The following CNTN5 variants were observed in gnomAD, a reference collection of about 807,000 sequenced individuals.
CNTN5 encodes contactin-5.
In CNTN5, 77 loss-of-function variants were observed where a neutral mutation model predicts 129.1. The ratio of observed to expected loss-of-function variants is 0.60; its 90% CI spans 0.50 to 0.72. CNTN5 has a LOEUF of 0.72. Among genes scored for constraint, CNTN5 ranks in the 30% least tolerant of loss-of-function variants. CNTN5 has a pLI of 0.00. For synonymous variants in CNTN5, 509 were observed against 465.6 expected (o/e 1.09, Z -1.20); for missense variants, 1,478 against 1,328.8 (o/e 1.11, Z -1.75).
intron 13 of CNTN5, among the ~76,000 whole-genome samples, chr11:100,142,964 A>G (rs1946741268): frequency 6.6e-6 from 1 of 152,180 alleles, no homozygotes; most frequent in Non-Finnish European, 1.5e-5. Flanking sequence ...ATTATTTAAA[A>G]TCTTGTATAA....
chr11:99,801,277 G>T (rs1946106042), intron 3 of CNTN5, among the ~76,000 whole-genome samples: 1 of 152,130 alleles, frequency 6.6e-6, no homozygotes, highest in Admixed American at 6.5e-5. Context: ...CTCCTGGCTT[G>T]TAATGTTTCT....
chr11:100,299,445 T>C, intron 20 of CNTN5, 49 bp downstream of exon 20: 1 of 1,235,092 alleles, frequency 8.1e-7, no homozygotes, highest in Non-Finnish European at 1.1e-6. Context: ...TACTTTGTTA[T>C]ACAAATAATC....
At chr11:99,106,465 A>G (rs147149169) in intron 1 of CNTN5, among the ~76,000 whole-genome samples, 2 of 152,186 alleles carry the variant, frequency 1.3e-5, no homozygotes, top group Non-Finnish European at 2.9e-5. Flanking sequence ...TTACATATGT[A>G]CAATTTTGGA....
At chr11:100,125,510 G>A (rs533627797) in intron 13 of CNTN5, among the ~76,000 whole-genome samples, 1 of 151,936 alleles carries the variant, frequency 6.6e-6, no homozygotes, top group African/African-American at 2.4e-5. Context: ...CTTTTTTATG[G>A]CTGTGTAGTA....
intron 3 of CNTN5, among the ~76,000 whole-genome samples, chr11:99,659,407 T>A (rs1952513515): frequency 6.6e-6 from 1 of 152,186 alleles, no homozygotes; most frequent in Non-Finnish European, 1.5e-5. Context: ...CTAGTTTGTT[T>A]TAGGTTTTGG....
At chr11:99,452,372 GTTTTTTT>G (rs71463577) in intron 2 of CNTN5, among the ~76,000 whole-genome samples, 1 of 104,358 alleles carries the variant, frequency 9.6e-6, no homozygotes, top group Non-Finnish European at 1.9e-5. Context: ...AAACACAGGT[GTTTTTTT>G]TTTTTTTTTT....
intron 3 of CNTN5, among the ~76,000 whole-genome samples, chr11:99,623,072 T>A (rs1049498017): frequency 2.6e-5 from 4 of 152,162 alleles, no homozygotes; most frequent in Non-Finnish European, 2.9e-5. Context: ...TTCATTTTTT[T>A]AAGATTCATT....
intron 1 of CNTN5, among the ~76,000 whole-genome samples, chr11:99,276,138 G>C (rs1485740954): frequency 1.3e-5 from 2 of 151,484 alleles, no homozygotes; most frequent in Non-Finnish European, 3.0e-5. Context: ...TATCTCATTG[G>C]GTGTGCTGTC....
intron 8 of CNTN5, among the ~76,000 whole-genome samples, chr11:99,992,458 T>C (rs1365286387): frequency 6.6e-6 from 1 of 152,206 alleles, no homozygotes; most frequent in African/African-American, 2.4e-5. Context: ...TCAGTTATAC[T>C]CTAATCCTCA....
chr11:100,193,171 A>G (rs1293466487), intron 14 of CNTN5, among the ~76,000 whole-genome samples: 4 of 151,904 alleles, frequency 2.6e-5, no homozygotes, highest in Non-Finnish European at 5.9e-5. Context: ...CAGAGAGGCT[A>G]CAGCCTCTTC....
chr11:99,757,102 G>C (rs969290117), intron 3 of CNTN5, among the ~76,000 whole-genome samples: 6 of 151,966 alleles, frequency 3.9e-5, no homozygotes, highest in African/African-American at 7.2e-5. Context: ...CAGCAGGGTC[G>C]TGTTGTCTCT....
At chr11:99,806,228 G>T (rs554867875) in intron 3 of CNTN5, among the ~76,000 whole-genome samples, 4 of 152,058 alleles carry the variant, frequency 2.6e-5, no homozygotes, top group African/African-American at 9.6e-5. Flanking sequence ...TATTGTACCT[G>T]ACCTAAGAAT....
chr11:99,786,620 T>G (rs1945534680), intron 3 of CNTN5, among the ~76,000 whole-genome samples: 1 of 152,034 alleles, frequency 6.6e-6, no homozygotes, highest in South Asian at 2.1e-4. Context: ...CAAAGCTGCA[T>G]TAATGGAAAC....
At chr11:100,237,943 G>A (rs1224701918) in intron 16 of CNTN5, among the ~76,000 whole-genome samples, 2 of 152,072 alleles carry the variant, frequency 1.3e-5, no homozygotes, top group African/African-American at 2.4e-5. Flanking sequence ...AGGAAGATGG[G>A]AAAAATAGTT....
chr11:100,285,284 T>C (rs1218653974), intron 18 of CNTN5, among the ~76,000 whole-genome samples: 2 of 152,236 alleles, frequency 1.3e-5, no homozygotes, highest in African/African-American at 2.4e-5. Context: ...CTACGGTCTC[T>C]TGACTTGCAG....
intron 21 of CNTN5, chr11:100,309,176 G>T: frequency 1.0e-6 from 1 of 984,938 alleles, no homozygotes; most frequent in Non-Finnish European, 1.2e-6. Flanking sequence ...AAGAAAAAAA[G>T]AATTAGCATC....
intron 9 of CNTN5, among the ~76,000 whole-genome samples, chr11:100,029,451 C>G (rs1268990388): frequency 2.6e-5 from 4 of 152,002 alleles, no homozygotes; most frequent in Non-Finnish European, 5.9e-5. Flanking sequence ...GGCGAGGTGG[C>G]AGGCGCCTGT....
chr11:99,111,474 T>C (rs4237594), intron 1 of CNTN5, among the ~76,000 whole-genome samples: 9,470 of 152,098 alleles, frequency 0.062, 786 homozygotes, highest in East Asian at 0.33. Flanking sequence ...AGGTGATACA[T>C]GTTGAACTTT....
Position 99,459,411 on chromosome 11 carries a change from A to T in CNTN5, c.-70-96734A>T, listed in dbSNP as rs190848057. On this transcript the variant is annotated intron_variant, in intron 2 of 24. Transcript: ENST00000524871. ...CCCTAAATATTTGGAAACATTTGAA[A>T]TTTTTTAAGTAGTAAGACTAATATG... is the stretch of plus-strand genomic sequence containing the variant. 4.8e-3 allele frequency among the ~76,000 whole-genome samples: 730 copies of T among 152,072 alleles called. 13 individuals carry two copies. The highest frequency in any genetic ancestry group is 0.017 in the African/African-American group (690 of 41,540).
Sources: allele counts gnomAD v4.1 joint callset (sites outside exome capture counted in the v4.1 genomes callset), GRCh38; gene constraint gnomAD v4.1.1; transcripts MANE v1.5; gene names NCBI Gene and HGNC (gene_info 2026-07-23, HGNC 2026-07-21).